Variants in GMDS observed in about 807,000 individuals in gnomAD.
GMDS encodes the protein GDP-mannose 4,6 dehydratase.
GMDS carries 20 observed loss-of-function variants against 49.9 expected under a neutral mutation model. That is an observed-to-expected ratio of 0.40 (90% CI 0.28 to 0.58). GMDS has a LOEUF of 0.58. Ranked by LOEUF, GMDS falls within the 20% of genes least tolerant of loss-of-function variation. The probability of loss-of-function intolerance (pLI) is 0.42; values close to 1 mark genes in which losing one functional copy is unlikely to be tolerated. For missense variants in GMDS, 362 were observed against 481.4 expected, an observed-to-expected ratio of 0.75 and a Z score of 2.32; for synonymous variants, 177 against 178.6, an observed-to-expected ratio of 0.99 and a Z score of 0.07.
chr6:2,086,092 G>A (rs1772996510), intron 4 of GMDS, among the ~76,000 whole-genome samples: 1 of 152,182 alleles, frequency 6.6e-6, no homozygotes, highest in African/African-American at 2.4e-5. Flanking sequence ...CACTGGTTTT[G>A]ATTGTTTGCT....
chr6:1,904,048 G>A (rs1359524399), intron 7 of GMDS, among the ~76,000 whole-genome samples: 1 of 152,174 alleles, frequency 6.6e-6, no homozygotes. Flanking sequence ...AGGGGAGGAA[G>A]GCAAGCTTGG....
chr6:2,044,285 C>T (rs906974528), intron 4 of GMDS, among the ~76,000 whole-genome samples: 12 of 152,138 alleles, frequency 7.9e-5, no homozygotes, highest in African/African-American at 2.4e-4. Flanking sequence ...CAGCACTATT[C>T]GCAATAGAAG....
intron 1 of GMDS, among the ~76,000 whole-genome samples, chr6:2,219,532 C>A (rs566956874): frequency 6.6e-6 from 1 of 152,144 alleles, no homozygotes; most frequent in African/African-American, 2.4e-5. Context: ...CCATCATGAA[C>A]TGGTTCTTTT....
At chr6:1,954,325 T>C (rs966736449) in intron 6 of GMDS, among the ~76,000 whole-genome samples, 4 of 152,260 alleles carry the variant, frequency 2.6e-5, no homozygotes, top group African/African-American at 9.6e-5. Context: ...TCAGTGTCGA[T>C]GGCTGCTAAC....
intron 1 of GMDS, among the ~76,000 whole-genome samples, chr6:2,187,243 T>C (rs755104628): frequency 2.6e-5 from 4 of 152,196 alleles, no homozygotes; most frequent in Non-Finnish European, 5.9e-5. Flanking sequence ...CCTACCTGTC[T>C]TCAGATTCTA....
chr6:1,943,743 C>T (rs1016289503), intron 6 of GMDS, among the ~76,000 whole-genome samples: 4 of 152,186 alleles, frequency 2.6e-5, no homozygotes, highest in Admixed American at 6.5e-5. Context: ...TCACACTAGG[C>T]AGCTTGTCTC....
chr6:2,200,523 G>C (rs1276692602), intron 1 of GMDS, among the ~76,000 whole-genome samples: 1 of 149,724 alleles, frequency 6.7e-6, no homozygotes, highest in South Asian at 2.2e-4. Context: ...ACTAGGCAGT[G>C]AGGGCATCAT....
At chr6:2,058,607 A>G (rs1770919057) in intron 4 of GMDS, among the ~76,000 whole-genome samples, 1 of 152,198 alleles carries the variant, frequency 6.6e-6, no homozygotes, top group Non-Finnish European at 1.5e-5. Context: ...CAACTACCAT[A>G]TTCAGGATTC....
intron 4 of GMDS, among the ~76,000 whole-genome samples, chr6:2,073,002 G>T (rs1372067831): frequency 6.6e-6 from 1 of 152,174 alleles, no homozygotes; most frequent in East Asian, 1.9e-4. Context: ...TAACCCATCT[G>T]AGGCTCAATG....
chr6:1,872,552 C>T (rs2113805580), intron 7 of GMDS, among the ~76,000 whole-genome samples: 1 of 152,338 alleles, frequency 6.6e-6, no homozygotes, highest in Middle Eastern at 3.4e-3. Context: ...CTACTTGTGA[C>T]AACGTCCAAA....
Position 1,736,343 on chromosome 6 carries a change from G to A in GMDS, c.890+6125C>T, listed in dbSNP as rs151005983. The stretch of plus-strand genomic sequence containing the variant: ...AGGGAGGTAGAGAGACAGAGAGGAA[G>A]AAAGCGAGAAGAAAAAGAGAAGAAG... On this transcript the variant is annotated intron_variant, in intron 8 of 10. Transcript: ENST00000380815. Among the ~76,000 whole-genome samples, 207 of 152,302 alleles carry A rather than the reference G, an allele frequency of 1.4e-3. 1 individual carries two copies. The highest frequency in any genetic ancestry group is 4.5e-3 in the African/African-American group (186 of 41,566).
chr6:2,046,177 C>G (rs1385082651), intron 4 of GMDS, among the ~76,000 whole-genome samples: 1 of 152,272 alleles, frequency 6.6e-6, no homozygotes, highest in Non-Finnish European at 1.5e-5. Flanking sequence ...CATGCCACTG[C>G]ACTCCAGCCT....
At chr6:2,033,261 A>T (rs148837304) in intron 4 of GMDS, among the ~76,000 whole-genome samples, 1 of 152,214 alleles carries the variant, frequency 6.6e-6, no homozygotes, top group Non-Finnish European at 1.5e-5. Context: ...CCACAAACCC[A>T]ATCATGTGGT....
At chr6:1,692,468 T>A (rs1399247785) in intron 9 of GMDS, among the ~76,000 whole-genome samples, 8 of 152,206 alleles carry the variant, frequency 5.3e-5, no homozygotes, top group Admixed American at 5.2e-4. Context: ...TGGAAAAAAA[T>A]GTTTAGCATT....
At chr6:2,141,549 C>T (rs1776286837) in intron 1 of GMDS, among the ~76,000 whole-genome samples, 1 of 152,192 alleles carries the variant, frequency 6.6e-6, no homozygotes, top group East Asian at 1.9e-4. Flanking sequence ...GAATTTCAGC[C>T]TTCATAAAAC....
At chr6:1,972,954 C>A (rs562691412) in intron 4 of GMDS, among the ~76,000 whole-genome samples, 1 of 152,282 alleles carries the variant, frequency 6.6e-6, no homozygotes, top group Admixed American at 6.5e-5. Context: ...TACACTTCAC[C>A]AGATTGCTGA....
chr6:1,719,446 A>G (rs1313120160), intron 9 of GMDS, among the ~76,000 whole-genome samples: 2 of 152,198 alleles, frequency 1.3e-5, no homozygotes, highest in African/African-American at 4.8e-5. Flanking sequence ...TGCTGGGAAA[A>G]CAATCAAATT....
At chr6:2,156,336 C>T (rs2127541803) in intron 1 of GMDS, among the ~76,000 whole-genome samples, 1 of 152,188 alleles carries the variant, frequency 6.6e-6, no homozygotes, top group African/African-American at 2.4e-5. Context: ...ACGTCACTAT[C>T]ACGGTGAATT....
At chr6:2,071,860 T>G (rs189731329) in intron 4 of GMDS, among the ~76,000 whole-genome samples, 1 of 152,298 alleles carries the variant, frequency 6.6e-6, no homozygotes, top group African/African-American at 2.4e-5. Flanking sequence ...GTTTCTTACT[T>G]TGAATGTGAT....
Sources: gnomAD v4.1 joint callset for allele counts (sites outside exome capture counted in the v4.1 genomes callset) on GRCh38, gnomAD v4.1.1 for gene constraint, MANE v1.5 for transcripts, NCBI Gene and HGNC (gene_info 2026-07-23, HGNC 2026-07-21) for gene names.